Variants in SENP7 observed in about 807,000 individuals in gnomAD.
The protein encoded by SENP7 is sentrin-specific protease 7.
Under a neutral mutation model 141.2 loss-of-function variants are expected in SENP7, and 64 were observed. The ratio of observed to expected loss-of-function variants is 0.45; its 90% CI spans 0.37 to 0.56. The LOEUF (loss-of-function observed/expected upper bound fraction) is 0.56, where lower values mean the gene tolerates loss of function less well. SENP7 is among the 20% of genes least tolerant of loss of function. The pLI is 0.00. For missense variants in SENP7, 1,025 were observed against 1,212.2 expected (o/e 0.85, Z 2.29); for synonymous variants, 382 against 426.4 (o/e 0.90, Z 1.28).
intron 4 of SENP7, among the ~76,000 whole-genome samples, chr3:101,445,163 A>C (rs2107796377): frequency 6.6e-6 from 1 of 152,324 alleles, no homozygotes; most frequent in South Asian, 2.1e-4. Context: ...TTTCTAGGCC[A>C]GGAGAGAATG....
intron 3 of SENP7, 34 bp downstream of exon 3, chr3:101,493,839 T>C (rs1174487972): frequency 8.2e-7 from 1 of 1,219,228 alleles, no homozygotes; most frequent in Admixed American, 1.8e-5. Flanking sequence ...CAAATAAAAC[T>C]GTATACTTAA....
intron 3 of SENP7, among the ~76,000 whole-genome samples, chr3:101,461,301 CA>C (rs2063537928): frequency 6.6e-6 from 1 of 151,906 alleles, no homozygotes; most frequent in African/African-American, 2.4e-5. Context: ...ATGTCCACAC[CA>C]AATGAAGAAA....
intron 11 of SENP7, among the ~76,000 whole-genome samples, chr3:101,353,604 C>A (rs2059665425): frequency 1.3e-5 from 2 of 151,890 alleles, no homozygotes; most frequent in Non-Finnish European, 2.9e-5. Context: ...AAGAATAAAG[C>A]TAATAATAAG....
intron 4 of SENP7, among the ~76,000 whole-genome samples, chr3:101,444,374 C>T (rs1161658917): frequency 1.3e-5 from 2 of 151,878 alleles, no homozygotes; most frequent in Non-Finnish European, 2.9e-5. Flanking sequence ...CCATTTGACC[C>T]AGCCATCCCA....
At chr3:101,481,481 G>C (rs939461355) in intron 3 of SENP7, among the ~76,000 whole-genome samples, 1 of 152,118 alleles carries the variant, frequency 6.6e-6, no homozygotes, top group African/African-American at 2.4e-5. Flanking sequence ...ACTAGAGGCT[G>C]GGAAGGGTGT....
At chr3:101,407,869 A>C (rs1221989121) in intron 5 of SENP7, among the ~76,000 whole-genome samples, 1 of 152,242 alleles carries the variant, frequency 6.6e-6, no homozygotes, top group African/African-American at 2.4e-5. Context: ...TCACACCTCA[A>C]AAAACTAGAG....
At chr3:101,349,548 C>T (rs1021448697) in intron 12 of SENP7, among the ~76,000 whole-genome samples, 10 of 151,760 alleles carry the variant, frequency 6.6e-5, no homozygotes, top group Non-Finnish European at 1.2e-4. Flanking sequence ...TGATGGTTTC[C>T]GGGGAGGGAT....
chr3:101,470,871 A>G (rs2063963359), intron 3 of SENP7, among the ~76,000 whole-genome samples: 1 of 152,164 alleles, frequency 6.6e-6, no homozygotes, highest in African/African-American at 2.4e-5. Context: ...ACAAACAAAG[A>G]GCCAAATCAT....
intron 3 of SENP7, among the ~76,000 whole-genome samples, chr3:101,478,111 C>T (rs2064297326): frequency 6.6e-6 from 1 of 151,858 alleles, no homozygotes; most frequent in Non-Finnish European, 1.5e-5. Flanking sequence ...CAACTACGAG[C>T]TAACAAACTG....
intron 4 of SENP7, among the ~76,000 whole-genome samples, chr3:101,432,057 C>G (rs917301408): frequency 6.6e-6 from 1 of 152,132 alleles, no homozygotes; most frequent in Admixed American, 6.5e-5. Flanking sequence ...GAGGGGAGCT[C>G]ACTGCCCTAA....
At chr3:101,442,328 T>C (rs1267837319) in intron 4 of SENP7, among the ~76,000 whole-genome samples, 2 of 152,160 alleles carry the variant, frequency 1.3e-5, no homozygotes, top group Admixed American at 1.3e-4. Flanking sequence ...CAGGGGAGTA[T>C]GGACTGTTTT....
At chr3:101,339,834 A>C (rs1161916133) in intron 16 of SENP7, among the ~76,000 whole-genome samples, 1 of 152,226 alleles carries the variant, frequency 6.6e-6, no homozygotes, top group African/African-American at 2.4e-5. Context: ...ATAGTTAAAG[A>C]AATTTACATC....
intron 4 of SENP7, among the ~76,000 whole-genome samples, chr3:101,441,578 T>C (rs1385248173): frequency 2.0e-5 from 3 of 152,204 alleles, no homozygotes; most frequent in Admixed American, 6.5e-5. Flanking sequence ...CCCAAGTACA[T>C]TGCCAATGCC....
intron 3 of SENP7, among the ~76,000 whole-genome samples, chr3:101,480,918 T>C (rs1003404058): frequency 2.0e-5 from 3 of 148,040 alleles, no homozygotes; most frequent in African/African-American, 5.0e-5. Flanking sequence ...AAAACCACAA[T>C]GAGATATCGT....
intron 1 of SENP7, among the ~76,000 whole-genome samples, chr3:101,507,285 C>T (rs1426779026): frequency 6.6e-6 from 1 of 152,200 alleles, no homozygotes; most frequent in African/African-American, 2.4e-5. Context: ...TTTGGAGCTA[C>T]TCAATCTTAT....
intron 17 of SENP7, 26 bp downstream of exon 17, chr3:101,337,483 T>G (rs1445492410): frequency 2.1e-6 from 3 of 1,441,790 alleles, no homozygotes; most frequent in Non-Finnish European, 2.8e-6. Flanking sequence ...CTCTTAAAAC[T>G]TAAGTACATT....
At chr3:101,362,737 T>C (rs368816225) in intron 10 of SENP7, among the ~76,000 whole-genome samples, 1 of 152,212 alleles carries the variant, frequency 6.6e-6, no homozygotes, top group African/African-American at 2.4e-5. Flanking sequence ...ATCTCAAATT[T>C]ATATGCTTTA....
rs553736058 is a variant in SENP7, at chr3:101,457,448, G to A, written c.284+1507C>T. On this transcript the variant is annotated intron_variant, in intron 4 of 23. Transcript: ENST00000394095. ...GCATTTCTGTCAGCTGCTTTGTCTC[G>A]GCATGGCCTGTAATGGTGAAAGTGT... The A allele has an allele frequency of 6.1e-5, 97 of 1,595,466 alleles. No homozygotes were observed. In the African/African-American group the frequency reaches 1.0e-3, roughly 17 times the overall value.
chr3:101,333,495 G>A (rs2059108995), intron 17 of SENP7, among the ~76,000 whole-genome samples: 1 of 152,104 alleles, frequency 6.6e-6, no homozygotes, highest in Non-Finnish European at 1.5e-5. Flanking sequence ...CTGCACTCTG[G>A]CCTCAGTAAC....
Sources: allele counts gnomAD v4.1 joint callset (sites outside exome capture counted in the v4.1 genomes callset), GRCh38; gene constraint gnomAD v4.1.1; transcripts MANE v1.5; gene names NCBI Gene and HGNC (gene_info 2026-07-23, HGNC 2026-07-21).